Variants in CNNM1 observed in about 807,000 individuals in gnomAD.
The protein encoded by CNNM1 is metal transporter CNNM1.
Under a neutral mutation model 78.8 loss-of-function variants are expected in CNNM1, and 44 were observed. The ratio of observed to expected loss-of-function variants is 0.56; its 90% confidence interval spans 0.44 to 0.72. The LOEUF (loss-of-function observed/expected upper bound fraction) is 0.72, where lower values mean the gene tolerates loss of function less well. CNNM1 is among the 30% of genes least tolerant of loss of function. The probability of loss-of-function intolerance (pLI) is 0.00; values close to 1 mark genes in which losing one functional copy is unlikely to be tolerated. For synonymous variants in CNNM1, 584 were observed against 581.5 expected, an observed-to-expected ratio of 1.00 and a Z score of -0.06; for missense variants, 1,101 against 1,292.2, an observed-to-expected ratio of 0.85 and a Z score of 2.27.
At position 99,362,444 on chromosome 10, in the gene CNNM1, C is replaced by G. The variant is rs763166067; in HGVS notation, c.2028+48C>G. ...CTCTGAGAGCCAGAGGAGGGCATCTCCAGGGTGAAGAAATGGCCATGCCTC... is the reference window on the plus strand; with the variant it reads ...CTCTGAGAGCCAGAGGAGGGCATCTGCAGGGTGAAGAAATGGCCATGCCTC... On this transcript the variant is annotated intron_variant, in intron 4 of 10. Transcript: ENST00000356713. The G allele has an allele frequency of 4.5e-5, 70 of 1,566,666 alleles. 1 individual carries two copies. In the South Asian group the frequency reaches 7.7e-4, roughly 17 times the overall value.
rs1343880313 is a variant in CNNM1, at chr10:99,329,414, A to G, written c.27A>G (p.Ala9=). Reference sequence around the variant, plus strand: ...TGGCGGCGGCCGCGGCGGCGGCAGCAGCGGTGGGTGTCAGGCTCCGGGACT... The same window carrying G: ...TGGCGGCGGCCGCGGCGGCGGCAGCGGCGGTGGGTGTCAGGCTCCGGGACT... The part of the protein sequence containing the change: MAAAAAAA[A]AVGVRLRDCC... Residue 9 remains alanine, a synonymous_variant, in exon 1 of 11, where the codon GCA becomes GCG. Transcript: ENST00000356713. 1 of 939,560 alleles carries G rather than the reference A, an allele frequency of 1.1e-6. No homozygotes were observed. The highest frequency in any genetic ancestry group is 1.5e-6 in the Non-Finnish European group (1 of 655,802). 58.2% of individuals were successfully genotyped at this position (939,560 alleles called of 1,614,324 possible).
At chr10:99,383,238 CAA>C (rs2032209770) in intron 7 of CNNM1, among the ~76,000 whole-genome samples, 1 of 152,092 alleles carries the variant, frequency 6.6e-6, no homozygotes, top group Admixed American at 6.5e-5. Flanking sequence ...TAATTCATTA[CAA>C]AATTATGTGG....
chr10:99,392,621 G>C lies in CNNM1; in HGVS notation c.*1105G>C, dbSNP rs2032505028. 1 of 152,296 alleles carries C rather than the reference G, an allele frequency of 6.6e-6. No individual in the cohort carries two copies. Among genetic ancestry groups the C allele is most frequent in the African/African-American group, 2.4e-5 (1 of 41,460 alleles). 9.4% of individuals were successfully genotyped at this position (152,296 alleles called of 1,614,324 possible). On this transcript the variant is annotated 3_prime_UTR_variant, in exon 11 of 11. Transcript: ENST00000356713. ...TGGTTTTTCTCCTGAAGTTGGGGCA[G>C]GTGCAATTCCAAGCATAACCACCAG...
At chr10:99,355,424 T>TA (rs1342251974) in intron 1 of CNNM1, among the ~76,000 whole-genome samples, 12 of 152,178 alleles carry the variant, frequency 7.9e-5, no homozygotes, top group East Asian at 5.8e-4. Context: ...TAAAGTATAA[T>TA]AAAAAAAGAG....
chr10:99,393,762 C>T lies in CNNM1; in HGVS notation c.*2246C>T, dbSNP rs888684657. The T allele has an allele frequency of 2.6e-5, 4 of 152,126 alleles. No individual in the cohort carries two copies. Among genetic ancestry groups the T allele is most frequent in the African/African-American group, 9.7e-5 (4 of 41,400 alleles). The allele number at this position is 152,126 out of a possible 1,614,324, so 9.4% of individuals were successfully genotyped here. A position where few individuals can be genotyped will look rare whatever the true frequency, so the allele number is the denominator to read the frequency against. On this transcript the variant is annotated 3_prime_UTR_variant, in exon 11 of 11. Transcript: ENST00000356713. The stretch of plus-strand genomic sequence containing the variant: ...CCACATAACTTTGTCCCCTCTTCCC[C>T]AACAACCCAGAGCAGGTGTTGCAGA...
chr10:99,388,260 A>C lies in CNNM1; in HGVS notation c.2633A>C (p.Gln878Pro). 6.2e-7 allele frequency: 1 copy of C among 1,613,918 alleles called. No individual in the cohort carries two copies. Among genetic ancestry groups the C allele is most frequent in the Non-Finnish European group, 8.5e-7 (1 of 1,179,862 alleles). ...ACTGACTTCGAGGAGCACAGCACAC[A>C]GCAGCTCACGCTGTCTCCTGCAGCC... ...EMTDFEEHSTQQLTLSPAAVP... is the reference protein window; with the variant it reads ...EMTDFEEHSTPQLTLSPAAVP... Residue 878 changes from glutamine to proline, a missense_variant, in exon 9 of 11, where the codon CAG (glutamine) becomes CCG (proline). By Grantham distance (76) the Gln-to-Pro change is moderately conservative. Transcript: ENST00000356713.
At chr10:99,371,365 C>G (rs966131348) in intron 6 of CNNM1, among the ~76,000 whole-genome samples, 1 of 152,228 alleles carries the variant, frequency 6.6e-6, no homozygotes, top group Non-Finnish European at 1.5e-5. Flanking sequence ...TGAAAGTACA[C>G]AGCCCCACTG....
At chr10:99,359,541 C>T (rs551272675) in intron 2 of CNNM1, among the ~76,000 whole-genome samples, 2 of 152,246 alleles carry the variant, frequency 1.3e-5, no homozygotes, top group East Asian at 3.9e-4. Context: ...AAAGGAGTGT[C>T]AAAGCAGGGG....
chr10:99,338,071 G>C (rs574830810), intron 1 of CNNM1, among the ~76,000 whole-genome samples: 13 of 152,316 alleles, frequency 8.5e-5, no homozygotes, highest in African/African-American at 3.1e-4. Context: ...CTAAAGCATA[G>C]TGGATGAATA....
Position 99,388,296 on chromosome 10 carries a change from G to C in CNNM1, c.2669G>C (p.Arg890Thr). The C allele has an allele frequency of 6.2e-7, 1 of 1,613,370 alleles. No individual in the cohort carries two copies. The highest frequency in any genetic ancestry group is 8.5e-7 in the Non-Finnish European group (1 of 1,179,726). ...CTGTCTCCTGCAGCCGTTCCCACGA[G>C]AGCAGGTCAGGGAGGCCAGCTGGGC... Reference protein sequence around the residue: ...LTLSPAAVPTRAASDSECCNI... With the variant: ...LTLSPAAVPTTAASDSECCNI... Residue 890 changes from arginine (R) to threonine (T), a missense_variant, in exon 9 of 11, where the codon AGA (arginine) becomes ACA (threonine). Coordinates refer to ENST00000356713, the MANE Select transcript of CNNM1 (RefSeq NM_020348.3).
In CNNM1 at chr10:99,330,025, G is replaced by T; in HGVS notation, c.638G>T (p.Gly213Val). The T allele has an allele frequency of 6.8e-7, 1 of 1,475,748 alleles. No individual in the cohort carries two copies. 91.4% of individuals were successfully genotyped at this position (1,475,748 alleles called of 1,614,324 possible). A position where few individuals can be genotyped will look rare whatever the true frequency, so the allele number is the denominator to read the frequency against. Residue 213 changes from glycine (G) to valine (V), a missense_variant, in exon 1 of 11, where the codon GGC (glycine) becomes GTC (valine). Around this residue, in one of 3 missense-constraint regions of CNNM1, gnomAD observed 476 missense variants for 484.5 expected, o/e 0.98. Coordinates refer to ENST00000356713, the MANE Select transcript of CNNM1 (RefSeq NM_020348.3). The stretch of plus-strand genomic sequence containing the variant: ...CTGCGCGTTCGCCCGCGGTTGTACG[G>T]CCCAGGCGGGGACCTGCTGCCCCCT... ...FLLRVRPRLY[G>V]PGGDLLPPAW...
At chr10:99,375,081 C>G (rs928618981) in intron 6 of CNNM1, among the ~76,000 whole-genome samples, 1 of 151,932 alleles carries the variant, frequency 6.6e-6, no homozygotes, top group Non-Finnish European at 1.5e-5. Context: ...TGGCATTCAT[C>G]GAGGTGGGGA....
chr10:99,343,163 A>G (rs571620661), intron 1 of CNNM1, among the ~76,000 whole-genome samples: 73 of 152,146 alleles, frequency 4.8e-4, no homozygotes, highest in African/African-American at 1.7e-3. Flanking sequence ...GGGTTTCACC[A>G]TGTTGGCCAG....
intron 1 of CNNM1, among the ~76,000 whole-genome samples, chr10:99,340,420 A>G (rs2030388379): frequency 6.6e-6 from 1 of 152,138 alleles, no homozygotes; most frequent in Non-Finnish European, 1.5e-5. Context: ...TTTTCCATTT[A>G]TCATCCTTTG....
chr10:99,390,468 A>T, intron 10 of CNNM1, 61 bp downstream of exon 10: 1 of 1,215,580 alleles, frequency 8.2e-7, no homozygotes, highest in African/African-American at 1.5e-5. Context: ...TAGGAAAAGC[A>T]TGTTAGCATC....
At position 99,371,727 on chromosome 10, in the gene CNNM1, T is replaced by C. The variant is rs150123090; in HGVS notation, c.2177-5328T>C. ...TTCATCTGGGATCCTAACTTGGGCT[T>C]AGAGTTCACATCGTAGTTTTGACAG... On this transcript the variant is annotated intron_variant, in intron 6 of 10. Coordinates refer to ENST00000356713, the MANE Select transcript of CNNM1 (RefSeq NM_020348.3). 6.2e-3 allele frequency among the ~76,000 whole-genome samples: 946 copies of C among 152,316 alleles called. 11 individuals are homozygous for C. The highest frequency in any genetic ancestry group is 8.3e-3 in the Non-Finnish European group (562 of 68,026).
At position 99,338,042 on chromosome 10, in the gene CNNM1, ATC is replaced by A. The variant is rs759070934; in HGVS notation, c.1573+7086_1573+7087del. On this transcript the variant is annotated intron_variant, in intron 1 of 10. Coordinates refer to ENST00000356713, the MANE Select transcript of CNNM1 (RefSeq NM_020348.3). ...CTAAGAGTTAGGGGTATGAGATAAA[ATC>A]TCTGTTCCCAAAGAGCCTAAAGCAT... 2.6e-5 allele frequency among the ~76,000 whole-genome samples: 4 copies of A among 152,212 alleles called. No homozygotes were observed. The East Asian group carries it at 7.7e-4, about 29-fold the overall frequency.
intron 6 of CNNM1, among the ~76,000 whole-genome samples, chr10:99,373,437 G>T (rs1194582150): frequency 6.6e-6 from 1 of 152,190 alleles, no homozygotes; most frequent in African/African-American, 2.4e-5. Flanking sequence ...CTACTTTTGG[G>T]CAGGACTCTC....
In CNNM1 at chr10:99,360,902, G is replaced by A. The variant is rs2134048704; in HGVS notation, c.1785G>A (p.Lys595=). Residue 595 remains lysine, a synonymous_variant, in exon 3 of 11, where the codon AAG becomes AAA. Transcript: ENST00000356713. ...AGCGGCATGACTTCTCCTTGTTTAA[G>A]CTTTCGGACACGGAGATGCGGGTGA... ...ERKRHDFSLF[K]LSDTEMRVKI... is the part of the protein sequence containing the mutation. 6.2e-7 allele frequency: 1 copy of A among 1,613,274 alleles called. No individual in the cohort carries two copies.
Sources: gnomAD v4.1 joint callset for allele counts (sites outside exome capture counted in the v4.1 genomes callset) on GRCh38, gnomAD v4.1.1 for gene constraint, gnomAD v4.1.1 regional missense constraint, MANE v1.5 for transcripts, NCBI Gene and HGNC (gene_info 2026-07-23, HGNC 2026-07-21) for gene names.